The following TTC4 variants were observed in gnomAD, a reference collection of about 807,000 sequenced individuals.
TTC4 encodes the protein hsp70/Hsp90 co-chaperone CNS1 homolog.
A neutral mutation model predicts 51.9 loss-of-function variants in TTC4; 36 were observed. That is an observed-to-expected ratio of 0.69 (90% CI 0.53 to 0.92). TTC4 has a LOEUF of 0.92. Ranked by LOEUF, TTC4 falls within the 40% of genes least tolerant of loss-of-function variation. The pLI, the probability that TTC4 is intolerant of heterozygous loss-of-function variation, is 0.00. For synonymous variants in TTC4, 144 were observed against 164.2 expected (o/e 0.88, Z 0.94); for missense variants, 399 against 454.6 (o/e 0.88, Z 1.11).
intron 7 of TTC4, among the ~76,000 whole-genome samples, 154 bp downstream of exon 7, chr1:54,731,854 C>CCGACTGAATCT (rs539019522): frequency 2.0e-5 from 3 of 151,902 alleles, no homozygotes; most frequent in African/African-American, 7.3e-5. Flanking sequence ...TATCCTGTAG[C>CCGACTGAATCT]TGACTGAACC....
chr1:54,742,236 G>C lies in TTC4; in HGVS notation c.*723G>C, dbSNP rs1465376094. 1.3e-5 allele frequency: 2 copies of C among 152,234 alleles called. No individual in the cohort carries two copies. The highest frequency in any genetic ancestry group is 1.3e-4 in the Admixed American group (2 of 15,276). The allele number at this position is 152,234 out of a possible 1,614,324, so 9.4% of individuals were successfully genotyped here. A position where few individuals can be genotyped will look rare whatever the true frequency, so the allele number is the denominator to read the frequency against. On this transcript the variant is annotated 3_prime_UTR_variant, in exon 10 of 10. Transcript: ENST00000371281. ...AAACTGGAAAATCTTCTAGCATGTT[G>C]GGTTGTTACAGAGTATATTTTTGTC...
chr1:54,727,342 T>C (rs1267323297), intron 5 of TTC4, among the ~76,000 whole-genome samples: 1 of 152,030 alleles, frequency 6.6e-6, no homozygotes, highest in Admixed American at 6.6e-5. Flanking sequence ...TCATACTATA[T>C]AAAAAAGTTA....
chr1:54,740,557 G>A (rs1035948729), intron 9 of TTC4, among the ~76,000 whole-genome samples: 13 of 152,274 alleles, frequency 8.5e-5, no homozygotes, highest in African/African-American at 2.6e-4. Flanking sequence ...GATGCTTGGA[G>A]GAAACCCGTT....
At chr1:54,716,167 G>T in intron 1 of TTC4, 148 bp downstream of exon 1, 1 of 678,534 alleles carries the variant, frequency 1.5e-6, no homozygotes, top group Non-Finnish European at 2.6e-6. Flanking sequence ...AATCGGCCTC[G>T]AGGTTTTGAG....
chr1:54,722,634 T>C, intron 4 of TTC4, 41 bp from the exon 5 acceptor site: 1 of 1,606,058 alleles, frequency 6.2e-7, no homozygotes. Flanking sequence ...GTTCTTTCCA[T>C]GCATGTTTTT....
intron 3 of TTC4, among the ~76,000 whole-genome samples, chr1:54,719,040 A>T (rs967418714): frequency 6.6e-6 from 1 of 152,122 alleles, no homozygotes; most frequent in East Asian, 1.9e-4. Context: ...AAGTAGGAGA[A>T]GAGGACCAAG....
intron 3 of TTC4, among the ~76,000 whole-genome samples, chr1:54,720,302 A>G (rs1334901197): frequency 6.6e-6 from 1 of 152,106 alleles, no homozygotes; most frequent in Non-Finnish European, 1.5e-5. Context: ...CCTTTACAAA[A>G]TATTTTGCTG....
Position 54,716,718 on chromosome 1 carries a change from GTATCTTAA to G in TTC4, c.229+2_229+9del. The G allele has an allele frequency of 6.2e-7, 1 of 1,606,764 alleles. No homozygotes were observed. Among genetic ancestry groups the G allele is most frequent in the South Asian group, 1.1e-5 (1 of 90,398 alleles). ...TTTGATGAGGAGCGTTCTCCAGAAG[GTATCTTAA>G]CATGACTAATATTTGTTTTGTGTTT... On this transcript the variant is annotated splice_donor_variant and splice_donor_5th_base_variant and intron_variant, in intron 2 of 9. Coordinates refer to ENST00000371281, the MANE Select transcript of TTC4 (RefSeq NM_004623.5). LOFTEE classifies it high-confidence loss of function.
At chr1:54,737,143 G>A (rs1645956081) in intron 8 of TTC4, 1 of 156,482 alleles carries the variant, frequency 6.4e-6, no homozygotes, top group Non-Finnish European at 1.4e-5. Context: ...TCCTGTGCAG[G>A]CGTCTTCCTC....
rs976774862 is a variant in TTC4 at position 54,728,503 on chromosome 1, T to C, written c.681+71T>C. 13 of 1,412,924 alleles carry C rather than the reference T, an allele frequency of 9.2e-6. No individual in the cohort carries two copies. The Admixed American group carries it at 1.6e-4, about 17-fold the overall frequency. The allele number at this position is 1,412,924 out of a possible 1,614,324, so 87.5% of individuals were successfully genotyped here. ...AATCCTGTGAAGCTTGTTGGGAACC[T>C]TTCTTGGGATGCTTTACCTGAAGGA... is the stretch of plus-strand genomic sequence containing the variant. On this transcript the variant is annotated intron_variant, in intron 6 of 9. Transcript: ENST00000371281.
intron 9 of TTC4, among the ~76,000 whole-genome samples, chr1:54,740,066 T>C (rs189501840): frequency 6.6e-6 from 1 of 152,230 alleles, no homozygotes; most frequent in East Asian, 1.9e-4. Context: ...TCCTCGCTAT[T>C]TGGGAGGCTG....
chr1:54,733,342 C>T (rs1645892099), intron 7 of TTC4, among the ~76,000 whole-genome samples: 1 of 151,816 alleles, frequency 6.6e-6, no homozygotes, highest in Non-Finnish European at 1.5e-5. Flanking sequence ...ATTGCTTAAG[C>T]CCGGAAGTCG....
At chr1:54,735,763 A>ATATT (rs1346322926) in intron 8 of TTC4, among the ~76,000 whole-genome samples, 3 of 152,172 alleles carry the variant, frequency 2.0e-5, no homozygotes, top group African/African-American at 7.2e-5. Flanking sequence ...GATATTCAAC[A>ATATT]TATTTATTTA....
Position 54,723,466 on chromosome 1 carries a change from G to GC in TTC4, c.594+669dup, listed in dbSNP as rs140820544. Reference sequence around the variant, plus strand: ...TATATACTCCCATTCCGTAGTATAAGCCATGAAGAGAGACCTAAACCAGGA... The same window carrying GC: ...TATATACTCCCATTCCGTAGTATAAGCCCATGAAGAGAGACCTAAACCAGGA... On this transcript the variant is annotated intron_variant, in intron 5 of 9. Coordinates refer to ENST00000371281, the MANE Select transcript of TTC4 (RefSeq NM_004623.5). Among the ~76,000 whole-genome samples, 591 of 152,280 alleles carry GC rather than the reference G, an allele frequency of 3.9e-3. 3 individuals are homozygous for GC. The highest frequency in any genetic ancestry group is 0.014 in the African/African-American group (565 of 41,550).
At chr1:54,716,058 T>C (rs764955254) in intron 1 of TTC4, 39 bp downstream of exon 1, 28 of 1,506,228 alleles carry the variant, frequency 1.9e-5, no homozygotes, top group Non-Finnish European at 2.5e-5. Context: ...TGTAGGGGCG[T>C]CGTCCGGACT....
At chr1:54,737,556 C>T (rs776701151) in intron 8 of TTC4, 26 bp from the exon 9 acceptor site, 3 of 1,610,952 alleles carry the variant, frequency 1.9e-6, no homozygotes, top group East Asian at 4.5e-5. Context: ...TTATCTCTGA[C>T]TCTTGCCCTT....
At chr1:54,736,175 GGAGAGAGA>G (rs11292044) in intron 8 of TTC4, among the ~76,000 whole-genome samples, 2,290 of 100,690 alleles carry the variant, frequency 0.023, 80 homozygotes, top group East Asian at 0.072. Context: ...AAGAAAGAAA[GGAGAGAGA>G]GAGAGAGAGA....
Position 54,731,699 on chromosome 1 carries a change from A to G in TTC4, c.895A>G (p.Arg299Gly). 2.5e-6 allele frequency: 4 copies of G among 1,613,760 alleles called. No homozygotes were observed. Among genetic ancestry groups the G allele is most frequent in the African/African-American group, 1.3e-5 (1 of 75,044 alleles). The change falls in exon 7 of 10, where the codon AGG becomes GGG. Residue 299 changes from arginine to glycine, a missense_variant and splice_region_variant. Coordinates refer to ENST00000371281, the MANE Select transcript of TTC4 (RefSeq NM_004623.5). ...DFISAFHEDSRFIDHLMVMFG... is the reference protein window; with the variant it reads ...DFISAFHEDSGFIDHLMVMFG... Reference sequence around the variant, plus strand: ...CATCTCTGCTTTTCATGAGGACTCCAGGTACTGACTTGCCCAGGAGCCCTC... The same window carrying G: ...CATCTCTGCTTTTCATGAGGACTCCGGGTACTGACTTGCCCAGGAGCCCTC...
chr1:54,728,563 T>A (rs1645828020), intron 6 of TTC4, 131 bp downstream of exon 6: 2 of 930,916 alleles, frequency 2.1e-6, no homozygotes, highest in Non-Finnish European at 3.1e-6. Context: ...GGTAAAGCAG[T>A]GTGACAGAGG....
Sources: allele counts gnomAD v4.1 joint callset (sites outside exome capture counted in the v4.1 genomes callset), GRCh38; gene constraint gnomAD v4.1.1; transcripts MANE v1.5; gene names NCBI Gene and HGNC (gene_info 2026-07-23, HGNC 2026-07-21).